The following ZNF251 variants were observed in gnomAD, a reference collection of about 807,000 sequenced individuals.
The protein encoded by ZNF251 is zinc finger protein 251.
ZNF251 carries 14 observed loss-of-function variants against 13.5 expected under a neutral mutation model. The ratio of observed to expected loss-of-function variants is 1.04; its 90% CI spans 0.69 to 1.63. The LOEUF (loss-of-function observed/expected upper bound fraction) is 1.63, where lower values mean the gene tolerates loss of function less well. ZNF251 is among the 40% of genes most tolerant of loss of function. The probability of loss-of-function intolerance (pLI) is 0.00; values close to 1 mark genes in which losing one functional copy is unlikely to be tolerated. For synonymous variants in ZNF251, 287 were observed against 295.2 expected, an observed-to-expected ratio of 0.97 and a Z score of 0.28; for missense variants, 764 against 834.9, an observed-to-expected ratio of 0.92 and a Z score of 1.05.
Position 144,722,738 on chromosome 8 carries a change from G to A in ZNF251, c.922C>T (p.Leu308Phe), listed in dbSNP as rs1179913350. Residue 308 changes from leucine (L) to phenylalanine (F), a missense_variant, in exon 5 of 5, where the codon CTT becomes TTT. Coordinates refer to ENST00000292562, the MANE Select transcript of ZNF251 (RefSeq NM_138367.2). This position sits in a 1 kb window ranked among gnomAD's most constrained non-coding sequence, Gnocchi z 4.8. ...GTGTGAATGATCCGATGTTGAATAA[G>A]AGTTGAGCTTCGACTGAAAGCCTTC... ...CGKAFSRSST[L>F]IQHRIIHTGE... 1 of 1,614,112 alleles carries A rather than the reference G, an allele frequency of 6.2e-7. No homozygotes were observed. The highest frequency in any genetic ancestry group is 1.1e-5 in the South Asian group (1 of 91,088).
intron 4 of ZNF251, among the ~76,000 whole-genome samples, chr8:144,729,320 T>C (rs1241639848): frequency 7.0e-6 from 1 of 142,568 alleles, no homozygotes; most frequent in Non-Finnish European, 1.5e-5. Flanking sequence ...AGATTCCTTT[T>C]ATTTATTTAT....
At chr8:144,742,563 A>G (rs1824214058) in intron 4 of ZNF251, among the ~76,000 whole-genome samples, 1 of 151,362 alleles carries the variant, frequency 6.6e-6, no homozygotes, top group Non-Finnish European at 1.5e-5. Context: ...TGACCATCTA[A>G]AATCTCAGTT....
chr8:144,732,729 G>A (rs369629405), intron 4 of ZNF251, among the ~76,000 whole-genome samples: 38 of 151,006 alleles, frequency 2.5e-4, no homozygotes, highest in Non-Finnish European at 3.2e-4. Context: ...GGAGAATGGC[G>A]TGAACCCGGG....
rs369641951 is a variant in ZNF251 at position 144,722,346 on chromosome 8, G to A, written c.1314C>T (p.Cys438=). 62 of 1,613,924 alleles carry A rather than the reference G, an allele frequency of 3.8e-5. 3 individuals carry two copies. The highest frequency in any genetic ancestry group is 3.0e-4 in the South Asian group (27 of 91,086). The change falls in exon 5 of 5, where the codon TGC becomes TGT. Residue 438 remains cysteine, a synonymous_variant. Coordinates refer to ENST00000292562, the MANE Select transcript of ZNF251 (RefSeq NM_138367.2). The surrounding 1 kb of genome is among the most constrained non-coding windows in gnomAD (Gnocchi z 4.8). ...TGGAACTCCGACGAAAGGCTTTGCC[G>A]CACTCATTACAAACATAGGGTTTTT... ...TGEKPYVCNE[C]GKAFRRSSTL...
chr8:144,752,920 T>C (rs1319400808), intron 4 of ZNF251, among the ~76,000 whole-genome samples: 1 of 152,024 alleles, frequency 6.6e-6, no homozygotes, highest in Non-Finnish European at 1.5e-5. Flanking sequence ...CAGTCAAAGA[T>C]AATACTTACA....
chr8:144,732,790 C>G (rs377126285), intron 4 of ZNF251, among the ~76,000 whole-genome samples: 6 of 133,994 alleles, frequency 4.5e-5, no homozygotes, highest in African/African-American at 1.1e-4. Flanking sequence ...CCAGCCTGGG[C>G]GACAGAGCGA....
intron 4 of ZNF251, among the ~76,000 whole-genome samples, chr8:144,736,769 G>C (rs890672148): frequency 2.6e-5 from 4 of 152,092 alleles, no homozygotes; most frequent in Non-Finnish European, 5.9e-5. Context: ...TGGGATTACA[G>C]GCGTGAGCCA....
intron 4 of ZNF251, among the ~76,000 whole-genome samples, chr8:144,727,166 T>G (rs572407105): frequency 6.6e-6 from 1 of 152,252 alleles, no homozygotes; most frequent in East Asian, 1.9e-4. Context: ...CCTGGGGCAG[T>G]AGTGCCTGGC....
chr8:144,730,199 G>T, intron 4 of ZNF251: 1 of 823,300 alleles, frequency 1.2e-6, no homozygotes, highest in Non-Finnish European at 1.5e-6. Context: ...CTCCAGGCGC[G>T]GGGCCCAGAG....
At chr8:144,744,679 G>A (rs1160817780) in intron 4 of ZNF251, among the ~76,000 whole-genome samples, 1 of 152,212 alleles carries the variant, frequency 6.6e-6, no homozygotes, top group Non-Finnish European at 1.5e-5. Flanking sequence ...TGAGAAGGCA[G>A]TCATCTGTAA....
At chr8:144,749,306 G>A (rs1374623351) in intron 4 of ZNF251, among the ~76,000 whole-genome samples, 1 of 152,040 alleles carries the variant, frequency 6.6e-6, no homozygotes, top group Non-Finnish European at 1.5e-5. Context: ...GGACAATATG[G>A]TGAAACCCTG....
chr8:144,742,939 T>TG (rs1824236321), intron 4 of ZNF251, among the ~76,000 whole-genome samples: 1 of 152,238 alleles, frequency 6.6e-6, no homozygotes, highest in Non-Finnish European at 1.5e-5. Flanking sequence ...TAAGTGGACC[T>TG]GGGAAGTTCA....
At chr8:144,743,674 A>G (rs1286037869) in intron 4 of ZNF251, among the ~76,000 whole-genome samples, 4 of 152,308 alleles carry the variant, frequency 2.6e-5, no homozygotes, top group African/African-American at 9.6e-5. Context: ...TTGCATCCCC[A>G]CCTGCAATGA....
rs1286161407 is a variant in ZNF251, at chr8:144,753,786, G to A, written c.174C>T (p.Val58=). The A allele has an allele frequency of 3.0e-5, 47 of 1,577,948 alleles. No individual in the cohort carries two copies. The highest frequency in any genetic ancestry group is 4.0e-5 in the Non-Finnish European group (47 of 1,161,142). The part of the protein sequence containing the change: ...YGNVASLGFP[V]PKPELISQLE... ...GCTGGGAGATCAACTCCGGCTTAGGGACAGGGAATCCTGTTGAGGATGAGG... is the reference window on the plus strand; with the variant it reads ...GCTGGGAGATCAACTCCGGCTTAGGAACAGGGAATCCTGTTGAGGATGAGG... Residue 58 remains valine (V), a synonymous_variant, in exon 4 of 5, where the codon GTC becomes GTT. Coordinates refer to ENST00000292562, the MANE Select transcript of ZNF251 (RefSeq NM_138367.2).
At chr8:144,739,726 T>C (rs192128866) in intron 4 of ZNF251, among the ~76,000 whole-genome samples, 153 of 151,678 alleles carry the variant, frequency 1.0e-3, no homozygotes, top group African/African-American at 2.2e-3. Context: ...TGGTGAAACC[T>C]TGTCTCTACC....
Position 144,723,322 on chromosome 8 carries a change from ACTT to A in ZNF251, c.335_337del (p.Glu112del). 1 of 1,547,358 alleles carries A rather than the reference ACTT, an allele frequency of 6.5e-7. No homozygotes were observed. The highest frequency in any genetic ancestry group is 2.2e-5 in the Admixed American group (1 of 45,732). ...TCTTGATACAAATTCTGGGGTTTTT[ACTT>A]CTTCGGAAAATTTTTGGTTTAAAAT... On this transcript the variant is annotated inframe_deletion, in exon 5 of 5. Coordinates refer to ENST00000292562, the MANE Select transcript of ZNF251 (RefSeq NM_138367.2).
intron 4 of ZNF251, among the ~76,000 whole-genome samples, chr8:144,726,886 G>T (rs1490933683): frequency 6.6e-6 from 1 of 151,398 alleles, no homozygotes; most frequent in Non-Finnish European, 1.5e-5. Flanking sequence ...AGAAAAAAAA[G>T]AAAAGAAAAA....
intron 4 of ZNF251, among the ~76,000 whole-genome samples, chr8:144,724,281 A>G (rs1280923872): frequency 2.6e-5 from 4 of 151,622 alleles, no homozygotes; most frequent in African/African-American, 9.7e-5. Flanking sequence ...AAAAAAAAAA[A>G]AAAAAGAATT....
In ZNF251 at chr8:144,736,025, A is replaced by G. The variant is rs1823877309; in HGVS notation, c.278-12643T>C. On this transcript the variant is annotated intron_variant, in intron 4 of 4. Transcript: ENST00000292562. ...CTGAGCACCTGGAAACCCTTCCCCAAATCCCTGGACTAAGAACCGGACCCT... is the reference window on the plus strand; with the variant it reads ...CTGAGCACCTGGAAACCCTTCCCCAGATCCCTGGACTAAGAACCGGACCCT... 1.3e-5 allele frequency among the ~76,000 whole-genome samples: 2 copies of G among 152,096 alleles called. 1 individual carries two copies. The highest frequency in any genetic ancestry group is 4.1e-4 in the South Asian group (2 of 4,832).
Sources: gnomAD v4.1 joint callset for allele counts (sites outside exome capture counted in the v4.1 genomes callset) on GRCh38, gnomAD v4.1.1 for gene constraint, Gnocchi (gnomAD v3.1) non-coding constraint, MANE v1.5 for transcripts, NCBI Gene and HGNC (gene_info 2026-07-23, HGNC 2026-07-21) for gene names.